RMDN2: variants seen among roughly 807,000 people sequenced by gnomAD.
RMDN2 encodes regulator of microtubule dynamics 2, also known as regulator of microtubule dynamics protein 2.
Under a neutral mutation model 52.8 loss-of-function variants are expected in RMDN2, and 61 were observed. That is an observed-to-expected ratio of 1.16 (90% CI 0.94 to 1.43). RMDN2 has a LOEUF of 1.43. Among genes scored for constraint, RMDN2 ranks in the 40% most tolerant of loss-of-function variants. The probability of loss-of-function intolerance (pLI) is 0.00; values close to 1 mark genes in which losing one functional copy is unlikely to be tolerated. For missense variants in RMDN2, 592 were observed against 475.3 expected, an observed-to-expected ratio of 1.25 and a Z score of -2.28; for synonymous variants, 180 against 153.1, an observed-to-expected ratio of 1.18 and a Z score of -1.30.
chr2:38,041,508 T>A (rs1680953188), intron 10 of RMDN2, among the ~76,000 whole-genome samples: 1 of 142,314 alleles, frequency 7.0e-6, no homozygotes, highest in South Asian at 2.4e-4. Flanking sequence ...AGGAGACATA[T>A]ATACTTTGTT....
chr2:38,022,118 C>G (rs1358014475), downstream of RMDN2, among the ~76,000 whole-genome samples: 4 of 152,104 alleles, frequency 2.6e-5, no homozygotes, highest in Admixed American at 2.6e-4. Context: ...TTAATCTAGT[C>G]TTAGTTACTC....
At chr2:37,966,157 C>T (rs1412621689) in intron 2 of RMDN2, among the ~76,000 whole-genome samples, 8 of 152,188 alleles carry the variant, frequency 5.3e-5, no homozygotes, top group South Asian at 2.1e-4. Context: ...CGTGGTGGCT[C>T]ACGCCTGTAA....
chr2:38,020,757 G>C (rs192787277), downstream of RMDN2, among the ~76,000 whole-genome samples: 4 of 152,222 alleles, frequency 2.6e-5, no homozygotes, highest in Admixed American at 6.5e-5. Context: ...GCAGGGCAGG[G>C]CTCGGGACCT....
intron 10 of RMDN2, among the ~76,000 whole-genome samples, chr2:38,059,166 C>A (rs1681949031): frequency 6.6e-6 from 1 of 152,194 alleles, no homozygotes; most frequent in African/African-American, 2.4e-5. Flanking sequence ...GGCTTCCAAG[C>A]ACCTGAAATA....
At chr2:38,044,923 T>A (rs1326951344) in intron 10 of RMDN2, among the ~76,000 whole-genome samples, 1 of 152,168 alleles carries the variant, frequency 6.6e-6, no homozygotes, top group Non-Finnish European at 1.5e-5. Context: ...ATTACTTGAT[T>A]TGGCAAGTGA....
chr2:37,979,688 G>A (rs1673052137), intron 4 of RMDN2, among the ~76,000 whole-genome samples: 1 of 152,038 alleles, frequency 6.6e-6, no homozygotes, highest in East Asian at 1.9e-4. Context: ...TTCTCTAAAG[G>A]AAATAGCTTT....
chr2:37,991,801 A>ATTT (rs1277590695), intron 7 of RMDN2, among the ~76,000 whole-genome samples: 2 of 152,214 alleles, frequency 1.3e-5, no homozygotes, highest in Non-Finnish European at 2.9e-5. Context: ...CTTGCTTTTA[A>ATTT]GGAACTTAAT....
chr2:37,968,599 C>G (rs1671395628), intron 2 of RMDN2, among the ~76,000 whole-genome samples: 1 of 152,074 alleles, frequency 6.6e-6, no homozygotes, highest in Non-Finnish European at 1.5e-5. Context: ...CAAAATAATG[C>G]AACTCTGCTT....
chr2:38,003,098 A>G (rs1676532349), intron 8 of RMDN2: 1 of 152,224 alleles, frequency 6.6e-6, no homozygotes, highest in Non-Finnish European at 1.5e-5. Context: ...CCTGAACTGG[A>G]TGTTTCAAGG....
downstream of RMDN2, among the ~76,000 whole-genome samples, chr2:38,020,364 C>T (rs1307977678): frequency 6.6e-6 from 1 of 152,160 alleles, no homozygotes; most frequent in Non-Finnish European, 1.5e-5. Context: ...ATGCTGGCAG[C>T]CCTCGCTCGC....
intron 10 of RMDN2, among the ~76,000 whole-genome samples, chr2:38,049,848 T>A (rs1291043815): frequency 1.3e-5 from 2 of 152,112 alleles, no homozygotes; most frequent in African/African-American, 4.8e-5. Context: ...GGATTACAGG[T>A]GATGACAAGA....
At chr2:38,062,224 G>C (rs1682082287) in intron 10 of RMDN2, among the ~76,000 whole-genome samples, 1 of 152,086 alleles carries the variant, frequency 6.6e-6, no homozygotes, top group Non-Finnish European at 1.5e-5. Flanking sequence ...TCCTTTTGTA[G>C]TACTCTCCCT....
rs770188628 is a variant in RMDN2, at chr2:37,989,606, A to G, written c.857A>G (p.His286Arg). Residue 286 changes from histidine to arginine, a missense_variant, in exon 6 of 11, where the codon CAC becomes CGC. Coordinates refer to ENST00000354545, the MANE Select transcript of RMDN2 (RefSeq NM_001170791.3). ...TTACAAAACAAAATCAACTATGGGC[A>G]CCTCTTCAAGGTATTTCTTTTTTTT... ...EGLQNKINYG[H>R]LFKEHLDIAI... is the part of the protein sequence containing the mutation. The G allele has an allele frequency of 3.6e-5, 57 of 1,600,548 alleles. No homozygotes were observed. Among genetic ancestry groups the G allele is most frequent in the Admixed American group, 2.4e-4 (14 of 59,262 alleles).
rs563138570 is a variant in RMDN2 at position 38,016,050 on chromosome 2, T to C, written c.1180-1136T>C. 3.1e-3 allele frequency among the ~76,000 whole-genome samples: 471 copies of C among 152,204 alleles called. 2 individuals carry two copies. The highest frequency in any genetic ancestry group is 5.2e-3 in the Non-Finnish European group (351 of 68,008). Reference sequence around the variant, plus strand: ...AGTGCTTGAAACATAATGAAAACCATAAAATTAATCATATAGCTATGCAGC... The same window carrying C: ...AGTGCTTGAAACATAATGAAAACCACAAAATTAATCATATAGCTATGCAGC... On this transcript the variant is annotated intron_variant, in intron 10 of 10. Coordinates refer to ENST00000354545, the MANE Select transcript of RMDN2 (RefSeq NM_001170791.3).
At chr2:38,013,227 C>T (rs897905321) in intron 10 of RMDN2, among the ~76,000 whole-genome samples, 1 of 152,178 alleles carries the variant, frequency 6.6e-6, no homozygotes, top group Non-Finnish European at 1.5e-5. Context: ...AAGTTGTTTG[C>T]CTGGAGGCAG....
chr2:37,934,206 C>T (rs1358230720), intron 2 of RMDN2, among the ~76,000 whole-genome samples: 2 of 152,180 alleles, frequency 1.3e-5, no homozygotes, highest in Admixed American at 6.5e-5. Flanking sequence ...GGAAAAATAT[C>T]TAATTATATC....
intron 2 of RMDN2, among the ~76,000 whole-genome samples, chr2:37,969,333 C>T (rs1671492623): frequency 6.6e-6 from 1 of 151,676 alleles, no homozygotes; most frequent in Admixed American, 6.6e-5. Flanking sequence ...ATTAAATTTT[C>T]GTATCCATGA....
intron 2 of RMDN2, among the ~76,000 whole-genome samples, chr2:37,968,586 T>C (rs1374970477): frequency 2.6e-5 from 4 of 152,170 alleles, no homozygotes; most frequent in Non-Finnish European, 5.9e-5. Flanking sequence ...TGTCTTTTTC[T>C]CCCAAAATAA....
Position 37,934,099 on chromosome 2 carries a change from A to G in RMDN2, c.452+4370A>G, listed in dbSNP as rs140863790. On this transcript the variant is annotated intron_variant, in intron 2 of 10. Coordinates refer to ENST00000354545, the MANE Select transcript of RMDN2 (RefSeq NM_001170791.3). ...GACAGTTACATGTTCCATATGTAAC[A>G]TTTCTCTTTTGCAATAGGTACCTGA... Among the ~76,000 whole-genome samples, 320 of 152,294 alleles carry G rather than the reference A, an allele frequency of 2.1e-3. 1 individual carries two copies. Among genetic ancestry groups the G allele is most frequent in the African/African-American group, 7.3e-3 (305 of 41,550 alleles).
Sources: allele counts gnomAD v4.1 joint callset (sites outside exome capture counted in the v4.1 genomes callset), GRCh38; gene constraint gnomAD v4.1.1; transcripts MANE v1.5; gene names NCBI Gene and HGNC (gene_info 2026-07-23, HGNC 2026-07-21).